The following FEZ2 variants were observed in gnomAD, a reference collection of about 807,000 sequenced individuals.
The protein encoded by FEZ2 is fasciculation and elongation protein zeta 2, also known as fasciculation and elongation protein zeta-2.
A neutral mutation model predicts 40.4 loss-of-function variants in FEZ2; 51 were observed. The observed-to-expected ratio is 1.26, with a 90% CI of 1.01 to 1.59. FEZ2 has a LOEUF of 1.59. Ranked by LOEUF, FEZ2 falls within the 40% of genes most tolerant of loss-of-function variation. The probability of loss-of-function intolerance (pLI) is 0.00; values close to 1 mark genes in which losing one functional copy is unlikely to be tolerated. For missense variants in FEZ2, 640 were observed against 438.3 expected, an observed-to-expected ratio of 1.46 and a Z score of -4.11; for synonymous variants, 242 against 172.0, an observed-to-expected ratio of 1.41 and a Z score of -3.18.
rs367720011 is a variant in FEZ2 at position 36,578,699 on chromosome 2, T to A, written c.801A>T (p.Gln267His). The A allele has an allele frequency of 1.2e-6, 2 of 1,614,024 alleles. No individual in the cohort carries two copies. The highest frequency in any genetic ancestry group is 1.7e-6 in the Non-Finnish European group (2 of 1,179,894). Residue 267 changes from glutamine (Q) to histidine (H), a missense_variant, in exon 5 of 8, where the codon CAA becomes CAT. By Grantham distance (24) the Gln-to-His change is conservative. Coordinates refer to ENST00000405912, the MANE Select transcript of FEZ2 (RefSeq NM_005102.3). Reference protein sequence around the residue: ...NSFISVLIEVQNKQKEHKETA... With the variant: ...NSFISVLIEVHNKQKEHKETA... Reference sequence around the variant, plus strand: ...TTTCTTTGTGCTCTTTCTGTTTGTTTTGCACTTCAATAAGAACAGAAATAA... The same window carrying A: ...TTTCTTTGTGCTCTTTCTGTTTGTTATGCACTTCAATAAGAACAGAAATAA...
intron 5 of FEZ2, among the ~76,000 whole-genome samples, chr2:36,559,826 G>C (rs961433731): frequency 3.9e-5 from 6 of 152,188 alleles, no homozygotes; most frequent in Non-Finnish European, 8.8e-5. Context: ...GGTTGAGAGA[G>C]GTGAGAGGCA....
At chr2:36,586,699 G>C (rs567586691) in intron 2 of FEZ2, among the ~76,000 whole-genome samples, 1 of 151,988 alleles carries the variant, frequency 6.6e-6, no homozygotes, top group Admixed American at 6.6e-5. Flanking sequence ...CCAACACTTT[G>C]GGAGGCCAAG....
At chr2:36,561,003 A>G (rs1668078712) in intron 5 of FEZ2, 2 of 505,250 alleles carry the variant, frequency 4.0e-6, no homozygotes, top group Non-Finnish European at 3.5e-6. Flanking sequence ...CAGATAAAGC[A>G]CATAAACCCA....
At chr2:36,561,162 A>G (rs991794069) in intron 5 of FEZ2, among the ~76,000 whole-genome samples, 1 of 152,258 alleles carries the variant, frequency 6.6e-6, no homozygotes, top group African/African-American at 2.4e-5. Flanking sequence ...TATTTGTTCT[A>G]TACAAAATTT....
chr2:36,586,537 G>A (rs1019281322), intron 2 of FEZ2, among the ~76,000 whole-genome samples: 1 of 151,866 alleles, frequency 6.6e-6, no homozygotes, highest in Admixed American at 6.6e-5. Context: ...TGAGGTGGGA[G>A]GATCACTTGA....
At chr2:36,585,472 T>C (rs1211532141) in intron 2 of FEZ2, among the ~76,000 whole-genome samples, 1 of 152,184 alleles carries the variant, frequency 6.6e-6, no homozygotes, top group Non-Finnish European at 1.5e-5. Flanking sequence ...ATTAGAATTT[T>C]TATTGCAGAG....
Position 36,597,914 on chromosome 2 carries a change from G to C in FEZ2, c.229C>G (p.Arg77Gly). Residue 77 changes from arginine (R) to glycine (G), a missense_variant, in exon 1 of 8, where the codon CGG (arginine) becomes GGG (glycine). Transcript: ENST00000405912. ...AGGAGGCTGCGCTCCGTGATGGGCC[G>C]CACGGCCGTCCTCGGGGGCTCGGCG... is the stretch of plus-strand genomic sequence containing the variant. ...PGAEPPRTAV[R>G]PITERSLLQG... 7.1e-7 allele frequency: 1 copy of C among 1,418,238 alleles called. No homozygotes were observed. The highest frequency in any genetic ancestry group is 9.1e-7 in the Non-Finnish European group (1 of 1,093,744). The allele number at this position is 1,418,238 out of a possible 1,614,324, so 87.9% of individuals were successfully genotyped here.
Position 36,593,844 on chromosome 2 carries a change from G to GTT in FEZ2, c.267-2835_267-2834dup, listed in dbSNP as rs148103426. Reference sequence around the variant, plus strand: ...GCTTGAATTTCTCCCCAGAAAATGGGTTTTTTTTTTTTCTATCGCATAGTC... The same window carrying GTT: ...GCTTGAATTTCTCCCCAGAAAATGGGTTTTTTTTTTTTTTCTATCGCATAGTC... On this transcript the variant is annotated intron_variant, in intron 1 of 7. Coordinates refer to ENST00000405912, the MANE Select transcript of FEZ2 (RefSeq NM_005102.3). 1.5e-4 allele frequency among the ~76,000 whole-genome samples: 22 copies of GTT among 146,912 alleles called. 1 individual carries two copies. In the East Asian group the frequency reaches 2.5e-3, roughly 17 times the overall value.
intron 5 of FEZ2, among the ~76,000 whole-genome samples, chr2:36,571,438 A>G (rs1026710604): frequency 6.6e-6 from 1 of 152,022 alleles, no homozygotes; most frequent in African/African-American, 2.4e-5. Flanking sequence ...AGGTGGGCGG[A>G]TCGCTTGAGG....
In FEZ2 at chr2:36,553,160, G is replaced by A. The variant is rs1226618885; in HGVS notation, c.*3C>T. 2 of 1,566,006 alleles carry A rather than the reference G, an allele frequency of 1.3e-6. No homozygotes were observed. The highest frequency in any genetic ancestry group is 1.7e-6 in the Non-Finnish European group (2 of 1,153,470). ...GGAGCCCACCGCAGATAAAGTTGCT[G>A]CTCTATGTAGGACACAGAACTAGAA... On this transcript the variant is annotated 3_prime_UTR_variant, in exon 8 of 8. Coordinates refer to ENST00000405912, the MANE Select transcript of FEZ2 (RefSeq NM_005102.3).
intron 5 of FEZ2, among the ~76,000 whole-genome samples, chr2:36,567,026 T>C (rs751972725): frequency 6.6e-6 from 1 of 152,192 alleles, no homozygotes; most frequent in Non-Finnish European, 1.5e-5. Flanking sequence ...AGCCAGATGA[T>C]ACATTCAGAG....
chr2:36,583,928 C>A (rs1558455912), intron 2 of FEZ2: 1 of 153,844 alleles, frequency 6.5e-6, no homozygotes, highest in Non-Finnish European at 1.4e-5. Context: ...ATGAGCGTCA[C>A]ACTTAGCCCT....
At chr2:36,559,518 G>T (rs991170503) in intron 5 of FEZ2, among the ~76,000 whole-genome samples, 1 of 152,204 alleles carries the variant, frequency 6.6e-6, no homozygotes, top group Admixed American at 6.5e-5. Context: ...GGATCCCTAA[G>T]TCCAGAAAAG....
intron 4 of FEZ2, among the ~76,000 whole-genome samples, chr2:36,580,431 A>G (rs1260485366): frequency 1.3e-5 from 2 of 152,254 alleles, no homozygotes; most frequent in African/African-American, 4.8e-5. Flanking sequence ...ATCAGTGCCT[A>G]TTCAAGGAAG....
chr2:36,574,154 T>C (rs565056837), intron 5 of FEZ2, among the ~76,000 whole-genome samples: 129 of 152,344 alleles, frequency 8.5e-4, no homozygotes, highest in African/African-American at 3.1e-3. Context: ...CTCATGGTGT[T>C]TGCTATGTTT....
At chr2:36,564,646 C>T (rs562917478) in intron 5 of FEZ2, among the ~76,000 whole-genome samples, 1 of 152,220 alleles carries the variant, frequency 6.6e-6, no homozygotes, top group Admixed American at 6.5e-5. Flanking sequence ...GAAAAGCTGC[C>T]TGAGGAGATG....
chr2:36,578,709 A>G lies in FEZ2; in HGVS notation c.791T>C (p.Ile264Thr), dbSNP rs1036670610. 1.2e-5 allele frequency: 19 copies of G among 1,613,636 alleles called. No individual in the cohort carries two copies. Among genetic ancestry groups the G allele is most frequent in the South Asian group, 3.3e-5 (3 of 91,074 alleles). Residue 264 changes from isoleucine (I) to threonine (T), a missense_variant, in exon 5 of 8, where the codon ATT becomes ACT. By Grantham distance (89) the Ile-to-Thr change is moderately conservative. Coordinates refer to ENST00000405912, the MANE Select transcript of FEZ2 (RefSeq NM_005102.3). ...EVKNSFISVL[I>T]EVQNKQKEHK... is the part of the protein sequence containing the mutation. ...CTCTTTCTGTTTGTTTTGCACTTCA[A>G]TAAGAACAGAAATAAAGCTGTTTTT...
intron 5 of FEZ2, among the ~76,000 whole-genome samples, chr2:36,578,146 A>G (rs1045979765): frequency 3.9e-4 from 59 of 152,336 alleles, no homozygotes; most frequent in African/African-American, 1.4e-3. Flanking sequence ...TTTACAAACA[A>G]TTTGTGCCTT....
intron 2 of FEZ2, among the ~76,000 whole-genome samples, chr2:36,586,534 G>C (rs1034212210): frequency 5.3e-5 from 8 of 151,980 alleles, no homozygotes; most frequent in Non-Finnish European, 7.4e-5. Context: ...GGCTGAGGTG[G>C]GAGGATCACT....
Sources: gnomAD v4.1 joint callset for allele counts (sites outside exome capture counted in the v4.1 genomes callset) on GRCh38, gnomAD v4.1.1 for gene constraint, MANE v1.5 for transcripts, NCBI Gene and HGNC (gene_info 2026-07-23, HGNC 2026-07-21) for gene names.